The following SREK1IP1 variants were observed in gnomAD, a reference collection of about 807,000 sequenced individuals.
The protein encoded by SREK1IP1 is SREK1 interacting protein 1.
In SREK1IP1, 12 loss-of-function variants were observed where a neutral mutation model predicts 22.8. The observed-to-expected ratio is 0.53, with a 90% CI of 0.34 to 0.85. The LOEUF (loss-of-function observed/expected upper bound fraction) is 0.85, where lower values mean the gene tolerates loss of function less well. Ranked by LOEUF, SREK1IP1 falls within the 40% of genes least tolerant of loss-of-function variation. The pLI, the probability that SREK1IP1 is intolerant of heterozygous loss-of-function variation, is 0.02. For synonymous variants in SREK1IP1, 53 were observed against 52.7 expected (o/e 1.01, Z -0.02); for missense variants, 147 against 171.8 (o/e 0.86, Z 0.81).
intron 3 of SREK1IP1, among the ~76,000 whole-genome samples, chr5:64,728,596 C>T (rs1291679512): frequency 1.3e-5 from 2 of 152,116 alleles, no homozygotes; most frequent in African/African-American, 2.4e-5. Context: ...GGTGTGTATT[C>T]TTGTAGGCAT....
At position 64,768,486 on chromosome 5, in the gene SREK1IP1, C is replaced by T. The variant is rs2112125840; in HGVS notation, c.13+19G>A. On this transcript the variant is annotated intron_variant, in intron 1 of 4. Transcript: ENST00000513458. ...TCCCTTCGGAGCTCGGACGCAGAGG[C>T]CCTGTAATTGCTCCTTACCTGGGAC... 1.9e-6 allele frequency: 3 copies of T among 1,614,158 alleles called. No individual in the cohort carries two copies. The highest frequency in any genetic ancestry group is 2.2e-5 in the South Asian group (2 of 91,076).
chr5:64,757,178 C>G (rs1742856312), intron 1 of SREK1IP1, among the ~76,000 whole-genome samples: 2 of 152,126 alleles, frequency 1.3e-5, no homozygotes. Flanking sequence ...GAGAAGATTC[C>G]TTGAGGCCAG....
intron 3 of SREK1IP1, among the ~76,000 whole-genome samples, chr5:64,734,843 T>A (rs889580845): frequency 6.6e-6 from 1 of 152,106 alleles, no homozygotes; most frequent in Non-Finnish European, 1.5e-5. Context: ...ACATAGATGA[T>A]CATTTCATCT....
At chr5:64,730,828 G>C (rs1742365425) in intron 3 of SREK1IP1, among the ~76,000 whole-genome samples, 1 of 152,188 alleles carries the variant, frequency 6.6e-6, no homozygotes, top group South Asian at 2.1e-4. Context: ...CTGCTGTAAG[G>C]GGATCAGCAT....
chr5:64,768,244 C>T (rs1384256012), intron 1 of SREK1IP1, among the ~76,000 whole-genome samples: 2 of 152,180 alleles, frequency 1.3e-5, no homozygotes, highest in Non-Finnish European at 2.9e-5. Flanking sequence ...GTCTCTCCCT[C>T]CTCCCTCCCT....
At chr5:64,755,902 T>C (rs1742830250) in intron 1 of SREK1IP1, among the ~76,000 whole-genome samples, 1 of 151,872 alleles carries the variant, frequency 6.6e-6, no homozygotes, top group Admixed American at 6.6e-5. Context: ...TGTTTTCCAT[T>C]AGAAGGAAAA....
At chr5:64,734,573 TTTAC>T (rs566214971) in intron 3 of SREK1IP1, among the ~76,000 whole-genome samples, 152 of 152,186 alleles carry the variant, frequency 1.0e-3, no homozygotes, top group African/African-American at 3.6e-3. Flanking sequence ...ATAGCGTATC[TTTAC>T]TTATTTCTTT....
chr5:64,722,584 A>C lies in SREK1IP1; in HGVS notation c.*1800T>G, dbSNP rs2112081798. On this transcript the variant is annotated 3_prime_UTR_variant, in exon 5 of 5. Transcript: ENST00000513458. ...GCTTTATATTAAAAACCGATTTTTA[A>C]AATCTTGATAATCGAAGAATATTTT... 6.6e-6 allele frequency: 1 copy of C among 152,334 alleles called. No homozygotes were observed. The highest frequency in any genetic ancestry group is 1.9e-4 in the East Asian group (1 of 5,196). 9.4% of individuals were successfully genotyped at this position (152,334 alleles called of 1,614,324 possible).
intron 4 of SREK1IP1, among the ~76,000 whole-genome samples, chr5:64,725,064 A>G (rs1742240393): frequency 6.6e-6 from 1 of 152,166 alleles, no homozygotes; most frequent in Non-Finnish European, 1.5e-5. Flanking sequence ...ACTTTTGGTA[A>G]TTCTTCTGAT....
intron 4 of SREK1IP1, among the ~76,000 whole-genome samples, chr5:64,727,018 C>G (rs912242763): frequency 4.6e-5 from 7 of 152,150 alleles, no homozygotes; most frequent in Non-Finnish European, 1.0e-4. Context: ...AATACATTAA[C>G]AGAAAACCCT....
At chr5:64,733,245 G>C (rs1742407805) in intron 3 of SREK1IP1, among the ~76,000 whole-genome samples, 1 of 152,068 alleles carries the variant, frequency 6.6e-6, no homozygotes, top group Non-Finnish European at 1.5e-5. Flanking sequence ...GGATAAAAAA[G>C]ACAAATGCCA....
At chr5:64,738,261 G>A (rs1262034960) in intron 3 of SREK1IP1, among the ~76,000 whole-genome samples, 2 of 152,118 alleles carry the variant, frequency 1.3e-5, no homozygotes, top group Non-Finnish European at 2.9e-5. Flanking sequence ...ACACAAGGAT[G>A]GCTCAATATA....
chr5:64,741,307 A>C, intron 2 of SREK1IP1, 107 bp from the exon 3 acceptor site: 1 of 1,060,976 alleles, frequency 9.4e-7, no homozygotes, highest in Non-Finnish European at 1.4e-6. Flanking sequence ...AATTTCAATA[A>C]TATAATGTAG....
intron 3 of SREK1IP1, among the ~76,000 whole-genome samples, chr5:64,740,166 C>CCA (rs1290659047): frequency 6.6e-6 from 1 of 151,994 alleles, no homozygotes; most frequent in Non-Finnish European, 1.5e-5. Flanking sequence ...GGTCCGCTAT[C>CCA]CACTCTCTCT....
At chr5:64,752,361 T>C (rs994272897) in intron 2 of SREK1IP1, among the ~76,000 whole-genome samples, 1 of 151,770 alleles carries the variant, frequency 6.6e-6, no homozygotes, top group Non-Finnish European at 1.5e-5. Context: ...TCGGGTTACC[T>C]AGGATGGTCT....
chr5:64,722,531 C>T lies in SREK1IP1; in HGVS notation c.*1853G>A, dbSNP rs1007191569. ...CAGTGGGAGTAAAGAAACACCACTGCACTTGTGCCAGCCTCGTTTTTAAAA... is the reference window on the plus strand; with the variant it reads ...CAGTGGGAGTAAAGAAACACCACTGTACTTGTGCCAGCCTCGTTTTTAAAA... On this transcript the variant is annotated 3_prime_UTR_variant, in exon 5 of 5. Transcript: ENST00000513458. The T allele has an allele frequency of 6.6e-6, 1 of 152,138 alleles. No individual in the cohort carries two copies. Among genetic ancestry groups the T allele is most frequent in the Non-Finnish European group, 1.5e-5 (1 of 68,032 alleles). 9.4% of individuals were successfully genotyped at this position (152,138 alleles called of 1,614,324 possible).
rs1213769564 is a variant in SREK1IP1 at position 64,720,786 on chromosome 5, G to T, written c.*3598C>A. 6.6e-6 allele frequency: 1 copy of T among 152,382 alleles called. No individual in the cohort carries two copies. Among genetic ancestry groups the T allele is most frequent in the Non-Finnish European group, 1.5e-5 (1 of 68,182 alleles). The allele number at this position is 152,382 out of a possible 1,614,324, so 9.4% of individuals were successfully genotyped here. On this transcript the variant is annotated 3_prime_UTR_variant, in exon 5 of 5. Coordinates refer to ENST00000513458, the MANE Select transcript of SREK1IP1 (RefSeq NM_173829.4). ...GCCTCCCAAAGTGCTGGGATTACAG[G>T]CGTGAGCCACTGTGCCCGGCCCCCC...
At chr5:64,743,503 TTTGC>T (rs1742583243) in intron 2 of SREK1IP1, among the ~76,000 whole-genome samples, 1 of 152,208 alleles carries the variant, frequency 6.6e-6, no homozygotes, top group African/African-American at 2.4e-5. Flanking sequence ...TCTATATCTG[TTTGC>T]TTGTTCAACT....
rs59062779 is a variant in SREK1IP1, at chr5:64,729,476, G to A, written c.206-1297C>T. On this transcript the variant is annotated intron_variant, in intron 3 of 4. Transcript: ENST00000513458. ...AGAATGAACATGAATGAGAACAGAT[G>A]AACAATATCATAAATACATGTAGAA... Among the ~76,000 whole-genome samples the A allele has an allele frequency of 4.3e-3, 662 of 152,214 alleles. 7 individuals carry two copies. Among genetic ancestry groups the A allele is most frequent in the African/African-American group, 0.015 (626 of 41,510 alleles).
Sources: gnomAD v4.1 joint callset for allele counts (sites outside exome capture counted in the v4.1 genomes callset) on GRCh38, gnomAD v4.1.1 for gene constraint, MANE v1.5 for transcripts, NCBI Gene and HGNC (gene_info 2026-07-23, HGNC 2026-07-21) for gene names.